Variants in MST1 observed in about 807,000 individuals in gnomAD.
The protein encoded by MST1 is hepatocyte growth factor-like protein.
A neutral mutation model predicts 100.1 loss-of-function variants in MST1; 76 were observed. That is an observed-to-expected ratio of 0.76 (90% CI 0.63 to 0.92). MST1 has a LOEUF of 0.92. MST1 is among the 40% of genes least tolerant of loss of function. The pLI, the probability that MST1 is intolerant of heterozygous loss-of-function variation, is 0.00. For missense variants in MST1, 850 were observed against 990.0 expected, an observed-to-expected ratio of 0.86 and a Z score of 1.90; for synonymous variants, 352 against 385.4, an observed-to-expected ratio of 0.91 and a Z score of 1.01.
rs776048263 is a variant in MST1, at chr3:49,684,400, G to C, written c.1930C>G (p.Gln644Glu). The part of the protein sequence containing the change: ...NVALLNVISN[Q>E]ECNIKHRGRV... ...CCTCGGTGCTTGATGTTACACTCCT[G>C]GTTGGAGATGACATTCAGCAAGGCC... Residue 644 changes from glutamine to glutamate, a missense_variant, in exon 17 of 18, where the codon CAG becomes GAG. Transcript: ENST00000449682. 6.2e-7 allele frequency: 1 copy of C among 1,613,400 alleles called. No homozygotes were observed. The highest frequency in any genetic ancestry group is 8.5e-7 in the Non-Finnish European group (1 of 1,179,866).
chr3:49,687,970 C>G, intron 1 of MST1, 73 bp from the exon 2 acceptor site: 2 of 1,491,028 alleles, frequency 1.3e-6, no homozygotes, highest in South Asian at 2.7e-5. Context: ...CATGTCCACA[C>G]TTTGTTCATT....
intron 1 of MST1, chr3:49,688,246 C>T (rs1003024375): frequency 6.3e-6 from 3 of 475,262 alleles, no homozygotes; most frequent in Non-Finnish European, 7.6e-6. Flanking sequence ...TCACATTACC[C>T]AGCCAGGGGC....
In MST1 at chr3:49,685,593, C is replaced by T. The variant is rs1296328639; in HGVS notation, c.1387+3G>A. On this transcript the variant is annotated splice_donor_region_variant and intron_variant, in intron 11 of 17. Coordinates refer to ENST00000449682, the MANE Select transcript of MST1 (RefSeq NM_020998.4). ...TCATGGGGGAAGCGTCACTAGTGCT[C>T]ACCGCAGCGTCGCAGGGCACAGTAG... is the stretch of plus-strand genomic sequence containing the variant. 3.7e-6 allele frequency: 6 copies of T among 1,613,230 alleles called. No homozygotes were observed. In the East Asian group the frequency reaches 1.3e-4, roughly 36 times the overall value.
At chr3:49,685,571 T>G in intron 11 of MST1, 25 bp downstream of exon 11, 1 of 1,613,216 alleles carries the variant, frequency 6.2e-7, no homozygotes, top group Non-Finnish European at 8.5e-7. Context: ...GGCAGGGTCA[T>G]GGGGGAAGCG....
intron 13 of MST1, 61 bp downstream of exon 13, chr3:49,685,201 G>C (rs3882326): frequency 1.2e-6 from 2 of 1,608,374 alleles, no homozygotes; most frequent in Non-Finnish European, 1.7e-6. Flanking sequence ...CCCCCAGTGG[G>C]ATAACCACAG....
rs770507815 is a variant in MST1 at position 49,684,733 on chromosome 3, C to G, written c.1769+5G>C. On this transcript the variant is annotated splice_donor_5th_base_variant and intron_variant, in intron 15 of 17. Transcript: ENST00000449682. ...ACCTCACACCCTCCCAGGTTGTCCA[C>G]ATACCTCTCCAGCTTGAGCAGGACA... 5.6e-6 allele frequency: 9 copies of G among 1,613,264 alleles called. No individual in the cohort carries two copies. In the South Asian group the frequency reaches 9.9e-5, roughly 18 times the overall value.
In MST1 at chr3:49,685,683, G is replaced by A. The variant is rs528893815; in HGVS notation, c.1300C>T (p.Arg434Trp). The A allele has an allele frequency of 5.6e-6, 9 of 1,613,402 alleles. No individual in the cohort carries two copies. The highest frequency in any genetic ancestry group is 5.5e-5 in the South Asian group (5 of 91,078). The stretch of plus-strand genomic sequence containing the variant: ...CCATGGCTATCCCCATCTGGGTTCC[G>A]GCAGAAGTTCTCCTCCAGTTGTGCA... ...PHAQLEENFC[R>W]NPDGDSHGPW... Residue 434 changes from arginine to tryptophan, a missense_variant, in exon 11 of 18, where the codon CGG (arginine) becomes TGG (tryptophan). Arg to Trp is a moderately radical substitution (Grantham distance 101). Coordinates refer to ENST00000449682, the MANE Select transcript of MST1 (RefSeq NM_020998.4).
At chr3:49,686,611 T>C in intron 7 of MST1, 73 bp downstream of exon 7, 2 of 1,548,606 alleles carry the variant, frequency 1.3e-6, no homozygotes, top group South Asian at 1.2e-5. Flanking sequence ...CAGCCCCTCT[T>C]ACCTCCCCGG....
At position 49,687,348 on chromosome 3, in the gene MST1, A is replaced by C; in HGVS notation, c.470+16T>G. The C allele has an allele frequency of 1.2e-6, 2 of 1,613,470 alleles. No individual in the cohort carries two copies. Among genetic ancestry groups the C allele is most frequent in the Non-Finnish European group, 1.7e-6 (2 of 1,179,844 alleles). ...GAAGGCCCCAGGCCGGGACGGAGGG[A>C]AGGTGTTTGTCTCACTTGTGATCAT... On this transcript the variant is annotated intron_variant, in intron 4 of 17. Coordinates refer to ENST00000449682, the MANE Select transcript of MST1 (RefSeq NM_020998.4).
chr3:49,688,222 A>G, intron 1 of MST1: 1 of 480,140 alleles, frequency 2.1e-6, no homozygotes, highest in Non-Finnish European at 3.8e-6. Context: ...TGAGAATGCT[A>G]AGGCTCAGAG....
At position 49,685,736 on chromosome 3, in the gene MST1, G is replaced by A; in HGVS notation, c.1251-4C>T. 1.2e-6 allele frequency: 2 copies of A among 1,613,226 alleles called. No homozygotes were observed. The highest frequency in any genetic ancestry group is 1.3e-5 in the African/African-American group (1 of 75,034). ...CGGTTCGGAGGTAAACGTGAACCTA[G>A]GCGGAAGCGGGAGCAAAATCGTGGC... On this transcript the variant is annotated splice_polypyrimidine_tract_variant and splice_region_variant and intron_variant, in intron 10 of 17. Transcript: ENST00000449682.
rs1238615304 is a variant in MST1 at position 49,686,395 on chromosome 3, T to C, written c.934A>G (p.Thr312Ala). 1 of 1,605,494 alleles carries C rather than the reference T, an allele frequency of 6.2e-7. No homozygotes were observed. Among genetic ancestry groups the C allele is most frequent in the Admixed American group, 1.7e-5 (1 of 58,752 alleles). Reference protein sequence around the residue: ...GEGYRGTANTTTAGVPCQRWD... With the variant: ...GEGYRGTANTATAGVPCQRWD... Reference sequence around the variant, plus strand: ...CGCTGGCAAGGTACGCCCGCAGTGGTGGTATTGGCTGTGCCCCGGTAGCCC... The same window carrying C: ...CGCTGGCAAGGTACGCCCGCAGTGGCGGTATTGGCTGTGCCCCGGTAGCCC... Residue 312 changes from threonine to alanine, a missense_variant, in exon 8 of 18, where the codon ACC becomes GCC. By Grantham distance (58) the Thr-to-Ala change is moderately conservative. Coordinates refer to ENST00000449682, the MANE Select transcript of MST1 (RefSeq NM_020998.4).
In MST1 at chr3:49,685,316, C is replaced by G; in HGVS notation, c.1490G>C (p.Arg497Pro). The change falls in exon 13 of 18, where the codon CGC becomes CCC. Residue 497 changes from arginine to proline, a missense_variant. Arg to Pro is a moderately radical substitution (Grantham distance 103). Around this residue, in one of 2 missense-constraint regions of MST1, gnomAD observed 816 missense variants for 924.6 expected, o/e 0.88. Transcript: ENST00000449682. ...DRLDQRRSKL[R>P]VVGGHPGNSP... ...GTTGCCCGGATGGCCCCCAACCACG[C>G]GCAGCTTGGAACGCCGCTGATCCAG... The G allele has an allele frequency of 6.2e-7, 1 of 1,613,410 alleles. No individual in the cohort carries two copies. Among genetic ancestry groups the G allele is most frequent in the Middle Eastern group, 1.7e-4 (1 of 6,056 alleles).
chr3:49,685,026 C>T lies in MST1; in HGVS notation c.1608G>A (p.Gln536=). The T allele has an allele frequency of 1.9e-6, 3 of 1,611,788 alleles. No homozygotes were observed. The highest frequency in any genetic ancestry group is 2.5e-6 in the Non-Finnish European group (3 of 1,179,176). The stretch of plus-strand genomic sequence containing the variant: ...GGGAGGCTCACCAGGAGGAGAAGCA[C>T]TGCCGGGCAGTCAGTATCCACTGCT... The part of the protein sequence containing the change: ...VKEQWILTAR[Q]CFSSCHMPLT... Residue 536 remains glutamine, a synonymous_variant, in exon 14 of 18, where the codon CAG becomes CAA. Coordinates refer to ENST00000449682, the MANE Select transcript of MST1 (RefSeq NM_020998.4).
chr3:49,686,205 T>C lies in MST1; in HGVS notation c.1017-13A>G. The C allele has an allele frequency of 1.2e-6, 2 of 1,606,646 alleles. No individual in the cohort carries two copies. The highest frequency in any genetic ancestry group is 1.1e-5 in the South Asian group (1 of 90,812). ...CTCCCGAAGGTCTCTAAGCAGGCGCTCCACTCAGCCCTAGCCCGCCAGCCT... is the reference window on the plus strand; with the variant it reads ...CTCCCGAAGGTCTCTAAGCAGGCGCCCCACTCAGCCCTAGCCCGCCAGCCT... On this transcript the variant is annotated splice_polypyrimidine_tract_variant and intron_variant, in intron 8 of 17. Coordinates refer to ENST00000449682, the MANE Select transcript of MST1 (RefSeq NM_020998.4).
At position 49,687,285 on chromosome 3, in the gene MST1, C is replaced by T. The variant is rs1398342682; in HGVS notation, c.471G>A (p.Lys157=). 4.3e-6 allele frequency: 7 copies of T among 1,613,516 alleles called. No individual in the cohort carries two copies. The highest frequency in any genetic ancestry group is 5.1e-6 in the Non-Finnish European group (6 of 1,179,870). ...GGCCATTCCGGAGAGTGGGCGTGTACCTGAGGGCCCAGAGCATCACTATAG... is the reference window on the plus strand; with the variant it reads ...GGCCATTCCGGAGAGTGGGCGTGTATCTGAGGGCCCAGAGCATCACTATAG... ...AWSHKFPNDH[K]YTPTLRNGLE... The change falls in exon 5 of 18, where the codon AAG becomes AAA. Residue 157 remains lysine, a splice_region_variant and synonymous_variant. Transcript: ENST00000449682.
chr3:49,686,520 C>A (rs765915216), intron 7 of MST1, 39 bp from the exon 8 acceptor site: 5 of 1,606,772 alleles, frequency 3.1e-6, no homozygotes, highest in Non-Finnish European at 4.2e-6. Flanking sequence ...CGAGCGAGAG[C>A]TGAGATCCCT....
chr3:49,684,239 C>T, intron 17 of MST1, 50 bp from the exon 18 acceptor site: 2 of 1,608,950 alleles, frequency 1.2e-6, no homozygotes, highest in Non-Finnish European at 1.7e-6. Context: ...CAATGACTAG[C>T]CTGCTTCATG....
In MST1 at chr3:49,686,280, C is replaced by G. The variant is rs780686704; in HGVS notation, c.1016+33G>C. 5.8e-6 allele frequency: 9 copies of G among 1,551,014 alleles called. No homozygotes were observed. In the South Asian group the frequency reaches 8.1e-5, roughly 14 times the overall value. On this transcript the variant is annotated intron_variant, in intron 8 of 17. Coordinates refer to ENST00000449682, the MANE Select transcript of MST1 (RefSeq NM_020998.4). ...TCCTCCCGTCTCACCCGCAGCAGCA[C>G]GTCCCAACGCCCGCCCCCCCCCCCC... is the stretch of plus-strand genomic sequence containing the variant.
Sources: gnomAD v4.1 joint callset for allele counts on GRCh38, gnomAD v4.1.1 for gene constraint, gnomAD v4.1.1 regional missense constraint, MANE v1.5 for transcripts, NCBI Gene and HGNC (gene_info 2026-07-23, HGNC 2026-07-21) for gene names.